Variants in CERS6 observed in about 807,000 individuals in gnomAD.
The protein encoded by CERS6 is ceramide synthase 6.
A neutral mutation model predicts 56.8 loss-of-function variants in CERS6; 26 were observed. The observed-to-expected ratio is 0.46, with a 90% CI of 0.34 to 0.63. The LOEUF (loss-of-function observed/expected upper bound fraction) is 0.63. Ranked by LOEUF, CERS6 falls within the 30% of genes least tolerant of loss-of-function variation. The probability of loss-of-function intolerance (pLI) is 0.01; values close to 1 mark genes in which losing one functional copy is unlikely to be tolerated. For synonymous variants in CERS6, 164 were observed against 173.3 expected, an observed-to-expected ratio of 0.95 and a Z score of 0.42; for missense variants, 415 against 467.5, an observed-to-expected ratio of 0.89 and a Z score of 1.04.
intron 8 of CERS6, among the ~76,000 whole-genome samples, chr2:168,754,295 T>A (rs1408175005): frequency 6.6e-6 from 1 of 152,186 alleles, no homozygotes; most frequent in Non-Finnish European, 1.5e-5. Flanking sequence ...GGGCCTGGAT[T>A]TCTTTGAGGG....
intron 2 of CERS6, among the ~76,000 whole-genome samples, chr2:168,560,434 A>G (rs975379341): frequency 6.6e-6 from 1 of 152,170 alleles, no homozygotes; most frequent in Non-Finnish European, 1.5e-5. Flanking sequence ...TTTTTTACAG[A>G]TGAGGAAACT....
At chr2:168,514,600 C>A (rs1574035534) in intron 1 of CERS6, among the ~76,000 whole-genome samples, 1 of 152,142 alleles carries the variant, frequency 6.6e-6, no homozygotes. Flanking sequence ...TCATTGCTTG[C>A]CAAATGTGCT....
chr2:168,709,315 C>T (rs1254853074), intron 6 of CERS6, among the ~76,000 whole-genome samples: 2 of 152,056 alleles, frequency 1.3e-5, no homozygotes, highest in Admixed American at 6.6e-5. Flanking sequence ...GAAAAAACAG[C>T]GTTAACTTAC....
intron 1 of CERS6, among the ~76,000 whole-genome samples, chr2:168,500,188 A>G (rs944174138): frequency 6.6e-6 from 1 of 152,212 alleles, no homozygotes; most frequent in African/African-American, 2.4e-5. Flanking sequence ...TTTAAATATA[A>G]GTATTGTTGG....
At chr2:168,744,371 CT>C (rs34015584) in intron 8 of CERS6, among the ~76,000 whole-genome samples, 2,078 of 149,174 alleles carry the variant, frequency 0.014, 40 homozygotes, top group African/African-American at 0.045. Context: ...ATAAGTACAC[CT>C]TTTTTTTTTC....
intron 1 of CERS6, among the ~76,000 whole-genome samples, chr2:168,529,870 G>T (rs1487980340): frequency 1.1e-4 from 17 of 152,158 alleles, no homozygotes; most frequent in Admixed American, 9.2e-4. Context: ...TTACAGGAAG[G>T]CTTGGAATCC....
intron 8 of CERS6, among the ~76,000 whole-genome samples, chr2:168,721,630 A>AC (rs1683171275): frequency 6.6e-6 from 1 of 150,920 alleles, no homozygotes; most frequent in East Asian, 2.0e-4. Flanking sequence ...TAAAAAAAAA[A>AC]AAAAAACCAA....
chr2:168,625,408 A>G (rs1430756226), intron 3 of CERS6, among the ~76,000 whole-genome samples: 1 of 152,216 alleles, frequency 6.6e-6, no homozygotes, highest in African/African-American at 2.4e-5. Flanking sequence ...AGTAGTTGAT[A>G]AATTATTCGA....
At chr2:168,679,781 G>A (rs1013517622) in intron 4 of CERS6, among the ~76,000 whole-genome samples, 7 of 152,076 alleles carry the variant, frequency 4.6e-5, no homozygotes, top group African/African-American at 1.7e-4. Context: ...CTACAAGTGG[G>A]ACTTATATTG....
At position 168,531,798 on chromosome 2, in the gene CERS6, G is replaced by A. The variant is rs542734384; in HGVS notation, c.171-15798G>A. ...ATCGCTCCACTGCACTCCAGCCTGG[G>A]CAACAGAGCGAGACTCTGTCTCAAA... is the stretch of plus-strand genomic sequence containing the variant. On this transcript the variant is annotated intron_variant, in intron 1 of 9. Coordinates refer to ENST00000305747, the MANE Select transcript of CERS6 (RefSeq NM_203463.3). 3.3e-5 allele frequency among the ~76,000 whole-genome samples: 5 copies of A among 149,666 alleles called. No homozygotes were observed. In the South Asian group the frequency reaches 8.5e-4, roughly 25 times the overall value.
rs911027289 is a variant in CERS6 at position 168,570,902 on chromosome 2, G to A, written c.407+9580G>A. Reference sequence around the variant, plus strand: ...GTTCCCTTTCAAATGTGGTTGCAAAGTTGAGTAAGCAACAATTTCTGACCT... The same window carrying A: ...GTTCCCTTTCAAATGTGGTTGCAAAATTGAGTAAGCAACAATTTCTGACCT... On this transcript the variant is annotated intron_variant, in intron 3 of 9. Transcript: ENST00000305747. Among the ~76,000 whole-genome samples the A allele has an allele frequency of 5.3e-5, 8 of 152,198 alleles. No individual in the cohort carries two copies. In the East Asian group the frequency reaches 1.5e-3, roughly 29 times the overall value.
chr2:168,708,497 C>T (rs1265626622), intron 6 of CERS6, among the ~76,000 whole-genome samples: 1 of 152,060 alleles, frequency 6.6e-6, no homozygotes, highest in East Asian at 1.9e-4. Context: ...TCTATTATTA[C>T]TGCAGTTGCC....
chr2:168,710,965 G>A (rs989687894), intron 6 of CERS6, among the ~76,000 whole-genome samples: 6 of 152,182 alleles, frequency 3.9e-5, no homozygotes, highest in South Asian at 2.1e-4. Flanking sequence ...GTTGGAAGAC[G>A]CATGTTTCCC....
At chr2:168,617,107 A>G (rs1287676220) in intron 3 of CERS6, among the ~76,000 whole-genome samples, 1 of 152,220 alleles carries the variant, frequency 6.6e-6, no homozygotes, top group Non-Finnish European at 1.5e-5. Context: ...ATACATGGAT[A>G]TTAAATAACC....
At chr2:168,657,591 G>T (rs1467554632) in intron 4 of CERS6, among the ~76,000 whole-genome samples, 1 of 152,256 alleles carries the variant, frequency 6.6e-6, no homozygotes, top group Non-Finnish European at 1.5e-5. Flanking sequence ...CCCGTGGGAA[G>T]GCAGCCAAGG....
intron 8 of CERS6, among the ~76,000 whole-genome samples, chr2:168,719,720 C>T (rs1687312143): frequency 2.0e-5 from 3 of 152,164 alleles, no homozygotes; most frequent in Admixed American, 1.3e-4. Flanking sequence ...AGACAGCATA[C>T]ACCATGATTA....
chr2:168,567,739 A>G (rs745780495), intron 3 of CERS6, among the ~76,000 whole-genome samples: 11 of 152,148 alleles, frequency 7.2e-5, no homozygotes, highest in Admixed American at 2.0e-4. Context: ...TCCATTTCTC[A>G]GAGTTTTGCC....
intron 8 of CERS6, among the ~76,000 whole-genome samples, chr2:168,760,979 G>A (rs968877893): frequency 1.3e-5 from 2 of 151,950 alleles, no homozygotes; most frequent in East Asian, 1.9e-4. Context: ...GGATGGTCTC[G>A]ATCTCCTGAC....
chr2:168,596,405 A>G (rs1683798232), intron 3 of CERS6, among the ~76,000 whole-genome samples: 1 of 152,076 alleles, frequency 6.6e-6, no homozygotes, highest in Non-Finnish European at 1.5e-5. Context: ...CCTTCCAGAA[A>G]TTGTTCAGGG....
Sources: allele counts gnomAD v4.1 joint callset (sites outside exome capture counted in the v4.1 genomes callset), GRCh38; gene constraint gnomAD v4.1.1; transcripts MANE v1.5; gene names NCBI Gene and HGNC (gene_info 2026-07-23, HGNC 2026-07-21).